Variants in MARK3 observed in about 807,000 individuals in gnomAD.
MARK3 encodes MAP/microtubule affinity-regulating kinase 3.
MARK3 carries 46 observed loss-of-function variants against 90.1 expected under a neutral mutation model. The ratio of observed to expected loss-of-function variants is 0.51; its 90% CI spans 0.40 to 0.65. MARK3 has a LOEUF of 0.65. Ranked by LOEUF, MARK3 falls within the 30% of genes least tolerant of loss-of-function variation. The pLI is 0.00. For synonymous variants in MARK3, 321 were observed against 332.6 expected, an observed-to-expected ratio of 0.97 and a Z score of 0.38; for missense variants, 818 against 947.2, an observed-to-expected ratio of 0.86 and a Z score of 1.79.
chr14:103,439,553 C>A (rs1055901851), intron 3 of MARK3, among the ~76,000 whole-genome samples: 1 of 151,988 alleles, frequency 6.6e-6, no homozygotes, highest in Non-Finnish European at 1.5e-5. Context: ...GGATTACAGG[C>A]GTGCGCCACC....
intron 3 of MARK3, among the ~76,000 whole-genome samples, chr14:103,445,795 G>A (rs2092979390): frequency 6.6e-6 from 1 of 152,146 alleles, no homozygotes; most frequent in African/African-American, 2.4e-5. Context: ...CTGCTGTACT[G>A]TTAGTAGAGA....
At chr14:103,486,136 A>G (rs1199649323) in intron 14 of MARK3, among the ~76,000 whole-genome samples, 1 of 152,054 alleles carries the variant, frequency 6.6e-6, no homozygotes, top group African/African-American at 2.4e-5. Flanking sequence ...CTCTACCAAA[A>G]ATACAAAAAA....
intron 6 of MARK3, among the ~76,000 whole-genome samples, chr14:103,458,237 C>T (rs1245992388): frequency 5.9e-5 from 9 of 152,108 alleles, no homozygotes; most frequent in Admixed American, 1.3e-4. Flanking sequence ...GTGGGCGGAT[C>T]ACCTGAGGGT....
chr14:103,398,837 GTTTGTT>G (rs759298411), intron 1 of MARK3, among the ~76,000 whole-genome samples: 11 of 152,178 alleles, frequency 7.2e-5, no homozygotes, highest in African/African-American at 1.2e-4. Context: ...TGGCTTTGTA[GTTTGTT>G]TTTGTTTTTG....
In MARK3 at chr14:103,385,828, A is replaced by C; in HGVS notation, c.-202A>C. 6.5e-6 allele frequency: 3 copies of C among 460,396 alleles called. No homozygotes were observed. The highest frequency in any genetic ancestry group is 7.6e-6 in the Non-Finnish European group (2 of 261,550). 28.5% of individuals were successfully genotyped at this position (460,396 alleles called of 1,614,324 possible). ...GTCTCCTCGCCTCGGCCGCCGAGGC[A>C]GGGAGAGAATGAGCCCCGGGACCCG... On this transcript the variant is annotated 5_prime_UTR_variant, in exon 1 of 18. Coordinates refer to ENST00000429436, the MANE Select transcript of MARK3 (RefSeq NM_001128918.3).
intron 2 of MARK3, among the ~76,000 whole-genome samples, chr14:103,405,671 A>T (rs940815189): frequency 6.6e-6 from 1 of 151,756 alleles, no homozygotes; most frequent in East Asian, 1.9e-4. Flanking sequence ...CATGTATTAC[A>T]TGTCAAGTTC....
Position 103,493,042 on chromosome 14 carries a change from C to T in MARK3, c.1844+1008C>T, listed in dbSNP as rs150920152. On this transcript the variant is annotated intron_variant, in intron 15 of 17. Coordinates refer to ENST00000429436, the MANE Select transcript of MARK3 (RefSeq NM_001128918.3). The stretch of plus-strand genomic sequence containing the variant: ...ACAGGACAGCAGTAGGAGTCTTTCC[C>T]GAGTCTGAAATGATCAGTACCCTCC... Among the ~76,000 whole-genome samples the T allele has an allele frequency of 2.3e-4, 35 of 152,222 alleles. No individual in the cohort carries two copies. The East Asian group carries it at 4.1e-3, about 18-fold the overall frequency.
chr14:103,397,326 ATTT>A (rs34252723), intron 1 of MARK3, among the ~76,000 whole-genome samples: 4 of 133,076 alleles, frequency 3.0e-5, no homozygotes, highest in Admixed American at 2.3e-4. Context: ...CTGAATAAAC[ATTT>A]TTTTTTTTTT....
At chr14:103,426,748 G>A (rs192025890) in intron 2 of MARK3, among the ~76,000 whole-genome samples, 70 of 152,222 alleles carry the variant, frequency 4.6e-4, no homozygotes, top group African/African-American at 1.6e-3. Context: ...TAAAAACACT[G>A]GCTGGGGCAT....
At chr14:103,426,111 A>G (rs2092393731) in intron 2 of MARK3, among the ~76,000 whole-genome samples, 1 of 152,202 alleles carries the variant, frequency 6.6e-6, no homozygotes, top group Admixed American at 6.5e-5. Context: ...TGCTTTTTTC[A>G]TTCTGTCTCT....
At chr14:103,452,199 C>T (rs1269191363) in intron 5 of MARK3, among the ~76,000 whole-genome samples, 3 of 152,028 alleles carry the variant, frequency 2.0e-5, no homozygotes, top group Non-Finnish European at 4.4e-5. Context: ...TATCTAAATA[C>T]CTGGATATTT....
intron 2 of MARK3, among the ~76,000 whole-genome samples, chr14:103,409,436 A>T (rs901230729): frequency 2.4e-3 from 3 of 1,228 alleles, no homozygotes; most frequent in Non-Finnish European, 0.013. Flanking sequence ...AACTTAAAGT[A>T]AAAAAAAAAA....
rs1257961737 is a variant in MARK3, at chr14:103,498,543, T to C, written c.1871+15T>C. 8 of 1,351,616 alleles carry C rather than the reference T, an allele frequency of 5.9e-6. No individual in the cohort carries two copies. The highest frequency in any genetic ancestry group is 7.6e-6 in the Non-Finnish European group (8 of 1,046,106). The allele number at this position is 1,351,616 out of a possible 1,614,324, so 83.7% of individuals were successfully genotyped here. The stretch of plus-strand genomic sequence containing the variant: ...TTTATCAAAAGGTAGGATTTATATA[T>C]ACACATTTATTTTTCAATCCTCACT... On this transcript the variant is annotated intron_variant, in intron 16 of 17. Transcript: ENST00000429436.
At chr14:103,462,509 A>G (rs1566887534) in intron 7 of MARK3, 48 bp downstream of exon 7, 2 of 1,397,404 alleles carry the variant, frequency 1.4e-6, no homozygotes, top group Non-Finnish European at 2.0e-6. Flanking sequence ...GTTTGTGTGC[A>G]GTTCTCTCAG....
chr14:103,441,042 T>C (rs1027404240), intron 3 of MARK3, among the ~76,000 whole-genome samples: 8 of 152,084 alleles, frequency 5.3e-5, no homozygotes, highest in African/African-American at 1.9e-4. Context: ...GTTTTTTGTT[T>C]CTTCTGTGAA....
chr14:103,412,455 T>G (rs1051875307), intron 2 of MARK3: 1 of 546,178 alleles, frequency 1.8e-6, no homozygotes, highest in Non-Finnish European at 3.3e-6. Context: ...GCATCATACT[T>G]CTTGGCCAGC....
intron 6 of MARK3, among the ~76,000 whole-genome samples, chr14:103,461,857 T>C (rs555447431): frequency 8.6e-5 from 13 of 152,024 alleles, no homozygotes; most frequent in African/African-American, 3.1e-4. Flanking sequence ...GCCAACGTGG[T>C]GAAACCCCAT....
chr14:103,425,269 T>C (rs1284768606), intron 2 of MARK3, among the ~76,000 whole-genome samples: 3 of 151,392 alleles, frequency 2.0e-5, no homozygotes, highest in South Asian at 4.2e-4. Flanking sequence ...TATTTATTTA[T>C]TTATTTATTT....
intron 1 of MARK3, among the ~76,000 whole-genome samples, chr14:103,400,959 G>GTGTGTGTA (rs1230882160): frequency 1.3e-5 from 2 of 148,500 alleles, no homozygotes; most frequent in African/African-American, 5.0e-5. Context: ...GTGTGTGTGT[G>GTGTGTGTA]TGTGTGTGTG....
Sources: allele counts gnomAD v4.1 joint callset (sites outside exome capture counted in the v4.1 genomes callset), GRCh38; gene constraint gnomAD v4.1.1; transcripts MANE v1.5; gene names NCBI Gene and HGNC (gene_info 2026-07-23, HGNC 2026-07-21).